Variants in TMEM255B observed in about 807,000 individuals in gnomAD.
The protein encoded by TMEM255B is family with sequence similarity 70, member B.
Under a neutral mutation model 34.5 loss-of-function variants are expected in TMEM255B, and 35 were observed. That is an observed-to-expected ratio of 1.01 (90% CI 0.77 to 1.34). TMEM255B has a LOEUF of 1.34. Among genes scored for constraint, TMEM255B ranks in the 40% most tolerant of loss-of-function variants. TMEM255B has a pLI of 0.00. For synonymous variants in TMEM255B, 206 were observed against 201.2 expected (o/e 1.02, Z -0.20); for missense variants, 432 against 433.2 (o/e 1.00, Z 0.02).
intron 1 of TMEM255B, among the ~76,000 whole-genome samples, chr13:113,760,339 T>G (rs145996965): frequency 6.6e-6 from 1 of 152,370 alleles, no homozygotes; most frequent in East Asian, 1.9e-4. Context: ...AGTCTATTGG[T>G]GTTTAATAAT....
rs376575085 is a variant in TMEM255B, at chr13:113,771,899, G to C, written c.252+2739G>C. Among the ~76,000 whole-genome samples the C allele has an allele frequency of 2.6e-5, 4 of 152,260 alleles. No homozygotes were observed. The East Asian group carries it at 7.7e-4, about 29-fold the overall frequency. On this transcript the variant is annotated intron_variant, in intron 3 of 8. Transcript: ENST00000375353. ...TGGAATTGCTGGGTCATACAGTAAT[G>C]CTGTTTAATCATTTGAGGAACTGCC...
chr13:113,778,646 C>T (rs1420838213), intron 3 of TMEM255B, among the ~76,000 whole-genome samples: 1 of 151,862 alleles, frequency 6.6e-6, no homozygotes, highest in Non-Finnish European at 1.5e-5. Flanking sequence ...ACGATGATCA[C>T]CTGTGGTACT....
chr13:113,795,106 G>T, intron 3 of TMEM255B, 42 bp from the exon 4 acceptor site: 1 of 1,597,142 alleles, frequency 6.3e-7, no homozygotes, highest in Non-Finnish European at 8.6e-7. Context: ...GAAAACCGGG[G>T]TTGGTAAAAG....
chr13:113,799,968 C>T (rs1357476637), intron 5 of TMEM255B: 1 of 1,278,600 alleles, frequency 7.8e-7, no homozygotes, highest in Non-Finnish European at 1.0e-6. Flanking sequence ...CTCTCATCCT[C>T]AGCACGCGTG....
chr13:113,806,218 C>A lies in TMEM255B; in HGVS notation c.813+1190C>A, dbSNP rs2051168856. Reference sequence around the variant, plus strand: ...GAGAGCCACGACCTTCTCAGCTCACCTGGGGACCTGCACCAGGGACCCCGA... The same window carrying A: ...GAGAGCCACGACCTTCTCAGCTCACATGGGGACCTGCACCAGGGACCCCGA... On this transcript the variant is annotated intron_variant, in intron 8 of 8. Transcript: ENST00000375353. This position sits in a 1 kb window ranked among gnomAD's most constrained non-coding sequence, Gnocchi z 4.2. Among the ~76,000 whole-genome samples, 1 of 152,160 alleles carries A rather than the reference C, an allele frequency of 6.6e-6. No individual in the cohort carries two copies. The highest frequency in any genetic ancestry group is 6.5e-5 in the Admixed American group (1 of 15,286).
intron 3 of TMEM255B, among the ~76,000 whole-genome samples, chr13:113,778,639 A>G (rs554092597): frequency 3.6e-3 from 547 of 151,432 alleles, no homozygotes; most frequent in African/African-American, 0.012. Context: ...TGATATGACG[A>G]TGATCACCTG....
At chr13:113,790,027 C>G (rs1237217877) in intron 3 of TMEM255B, among the ~76,000 whole-genome samples, 1 of 151,514 alleles carries the variant, frequency 6.6e-6, no homozygotes, top group East Asian at 1.9e-4. Context: ...GGCACCTGAA[C>G]ATCCTAGCGC....
chr13:113,774,626 A>G (rs1209126173), intron 3 of TMEM255B, among the ~76,000 whole-genome samples: 1 of 146,658 alleles, frequency 6.8e-6, no homozygotes, highest in African/African-American at 2.5e-5. Flanking sequence ...TACACACCAC[A>G]TATACCACAC....
In TMEM255B at chr13:113,813,321, A is replaced by C. The variant is rs2051364286; in HGVS notation, c.*1418A>C. ...CAGGCCTCACCGCTCTCAGGGCCTC[A>C]CGTCCCTCCCTGCAAAGCCCCCCGT... On this transcript the variant is annotated 3_prime_UTR_variant, in exon 9 of 9. Transcript: ENST00000375353. 1 of 152,184 alleles carries C rather than the reference A, an allele frequency of 6.6e-6. No individual in the cohort carries two copies. Among genetic ancestry groups the C allele is most frequent in the Admixed American group, 6.5e-5 (1 of 15,278 alleles). 9.4% of individuals were successfully genotyped at this position (152,184 alleles called of 1,614,324 possible).
chr13:113,759,926 A>G (rs1396085873), intron 1 of TMEM255B, among the ~76,000 whole-genome samples: 2 of 152,176 alleles, frequency 1.3e-5, no homozygotes, highest in Admixed American at 6.5e-5. Flanking sequence ...AAAGGCTGGG[A>G]AAACAGGAAA....
intron 3 of TMEM255B, among the ~76,000 whole-genome samples, chr13:113,775,927 C>T (rs900339049): frequency 1.3e-5 from 2 of 152,240 alleles, no homozygotes; most frequent in Non-Finnish European, 2.9e-5. Flanking sequence ...TTGAGTCAGA[C>T]TTTTCCAGGT....
At chr13:113,767,705 G>A (rs1219108642) in intron 2 of TMEM255B, among the ~76,000 whole-genome samples, 1 of 152,226 alleles carries the variant, frequency 6.6e-6, no homozygotes, top group African/African-American at 2.4e-5. Flanking sequence ...TCAAGGAAAC[G>A]TGGCTAAGAG....
intron 4 of TMEM255B, among the ~76,000 whole-genome samples, chr13:113,798,751 G>A (rs2050988875): frequency 1.3e-5 from 2 of 151,878 alleles, no homozygotes; most frequent in Admixed American, 1.3e-4. Flanking sequence ...GATGACAGAT[G>A]GGTGGATGGA....
rs2051015742 is a variant in TMEM255B at position 113,800,075 on chromosome 13, T to C, written c.423+656T>C. ...TGCCGGGAGGCATCGTGTGTGTGTG[T>C]GTGTTTATGTGTGTGTGTGTGGGGG... On this transcript the variant is annotated intron_variant, in intron 5 of 8. Coordinates refer to ENST00000375353, the MANE Select transcript of TMEM255B (RefSeq NM_182614.4). 4.2e-6 allele frequency: 5 copies of C among 1,188,888 alleles called. No homozygotes were observed. In the South Asian group the frequency reaches 7.7e-5, roughly 18 times the overall value. 73.6% of individuals were successfully genotyped at this position (1,188,888 alleles called of 1,614,324 possible). A position where few individuals can be genotyped will look rare whatever the true frequency, so the allele number is the denominator to read the frequency against.
Position 113,793,924 on chromosome 13 carries a change from G to GC in TMEM255B, c.253-1219dup, listed in dbSNP as rs1442855003. Among the ~76,000 whole-genome samples, 4 of 152,340 alleles carry GC rather than the reference G, an allele frequency of 2.6e-5. No individual in the cohort carries two copies. The East Asian group carries it at 7.7e-4, about 29-fold the overall frequency. On this transcript the variant is annotated intron_variant, in intron 3 of 8. Transcript: ENST00000375353. ...TGGCCTGAAAGGTTTGGGCCCGCCA[G>GC]CCCCCACCCCCCGCCTTCTGCTGCT... is the stretch of plus-strand genomic sequence containing the variant.
rs775918292 is a variant in TMEM255B, at chr13:113,811,759, G to T, written c.837G>T (p.Ala279=). The change falls in exon 9 of 9, where the codon GCG becomes GCT. Residue 279 remains alanine (A), a synonymous_variant. Transcript: ENST00000375353. ...AGCCCTGCAGCCGCTTCCCAGTTGCGCCCTCCTCTGCCCTGGCTTCGTCTG... is the reference window on the plus strand; with the variant it reads ...AGCCCTGCAGCCGCTTCCCAGTTGCTCCCTCCTCTGCCCTGGCTTCGTCTG... ...PLQPCSRFPV[A]PSSALASSED... 15 of 1,613,544 alleles carry T rather than the reference G, an allele frequency of 9.3e-6. No individual in the cohort carries two copies. Among genetic ancestry groups the T allele is most frequent in the Non-Finnish European group, 1.2e-5 (14 of 1,179,828 alleles).
In TMEM255B at chr13:113,770,034, C is replaced by T. The variant is rs983259457; in HGVS notation, c.252+874C>T. Among the ~76,000 whole-genome samples, 9 of 152,216 alleles carry T rather than the reference C, an allele frequency of 5.9e-5. No homozygotes were observed. The highest frequency in any genetic ancestry group is 1.7e-4 in the African/African-American group (7 of 41,534). Reference sequence around the variant, plus strand: ...GAGAGGGAGGGTGAGATGGCTGGGCCGCGGTGTATGCCCTCGGAACCCTGT... The same window carrying T: ...GAGAGGGAGGGTGAGATGGCTGGGCTGCGGTGTATGCCCTCGGAACCCTGT... On this transcript the variant is annotated intron_variant, in intron 3 of 8. Transcript: ENST00000375353. This position sits in a 1 kb window ranked among gnomAD's most constrained non-coding sequence, Gnocchi z 4.6.
intron 1 of TMEM255B, among the ~76,000 whole-genome samples, chr13:113,760,051 G>C (rs1224832054): frequency 6.6e-6 from 1 of 152,130 alleles, no homozygotes. Flanking sequence ...GCAGATTTCA[G>C]AACAAAAGAG....
At chr13:113,768,074 G>A (rs1175137542) in intron 2 of TMEM255B, 8 of 408,914 alleles carry the variant, frequency 2.0e-5, no homozygotes, top group East Asian at 1.5e-4. Context: ...AAAGAAGTCC[G>A]GTTTCCAGTG....
Sources: gnomAD v4.1 joint callset for allele counts (sites outside exome capture counted in the v4.1 genomes callset) on GRCh38, gnomAD v4.1.1 for gene constraint, Gnocchi (gnomAD v3.1) non-coding constraint, MANE v1.5 for transcripts, NCBI Gene and HGNC (gene_info 2026-07-23, HGNC 2026-07-21) for gene names.